The following SNX18 variants were observed in gnomAD, a reference collection of about 807,000 sequenced individuals.
SNX18 encodes sorting nexin 18, also known as sorting nexin-18.
Under a neutral mutation model 48.7 loss-of-function variants are expected in SNX18, and 35 were observed. The ratio of observed to expected loss-of-function variants is 0.72; its 90% CI spans 0.55 to 0.95. The LOEUF is 0.95. Among genes scored for constraint, SNX18 ranks in the 40% least tolerant of loss-of-function variants. SNX18 has a pLI of 0.00. For missense variants in SNX18, 824 were observed against 871.0 expected (o/e 0.95, Z 0.68); for synonymous variants, 492 against 384.7 (o/e 1.28, Z -3.26).
the SNX18 span, among the ~76,000 whole-genome samples, chr5:54,580,052 C>T: frequency 6.6e-6 from 1 of 151,852 alleles, no homozygotes; most frequent in Non-Finnish European, 1.5e-5. Context: ...TTAGGTTACA[C>T]TGGCTGAAGT....
the SNX18 span, among the ~76,000 whole-genome samples, chr5:54,612,153 T>C: frequency 6.6e-6 from 1 of 152,236 alleles, no homozygotes; most frequent in Non-Finnish European, 1.5e-5. Context: ...ATATTATTGT[T>C]AGTAATGAGC....
chr5:54,583,212 A>G, the SNX18 span, among the ~76,000 whole-genome samples: 1 of 152,226 alleles, frequency 6.6e-6, no homozygotes, highest in African/African-American at 2.4e-5. Context: ...CCTTGGATCA[A>G]GCAACCCTCC....
chr5:54,644,509 C>T, the SNX18 span: 6 of 152,218 alleles, frequency 3.9e-5, no homozygotes, highest in African/African-American at 1.4e-4. Context: ...TCCCCCTCTT[C>T]CTAAGAGAAA....
the SNX18 span, among the ~76,000 whole-genome samples, chr5:54,579,484 C>G: frequency 6.6e-6 from 1 of 152,124 alleles, no homozygotes; most frequent in Non-Finnish European, 1.5e-5. Flanking sequence ...GAATCATGAG[C>G]CAACAAGTTG....
At chr5:54,554,999 G>T in the SNX18 span, among the ~76,000 whole-genome samples, 1 of 152,330 alleles carries the variant, frequency 6.6e-6, no homozygotes, top group Non-Finnish European at 1.5e-5. Context: ...AAAGTCCTTT[G>T]CACAGTTTGC....
At chr5:54,546,657 A>G (rs968275479), downstream of SNX18, 4 of 152,244 alleles carry the variant, frequency 2.6e-5, no homozygotes, top group African/African-American at 9.6e-5. Context: ...AGAATTACAC[A>G]GAAAAATAGA....
the SNX18 span, among the ~76,000 whole-genome samples, chr5:54,618,494 G>A: frequency 3.3e-5 from 5 of 152,152 alleles, no homozygotes. Flanking sequence ...TTCCAGTTGT[G>A]TCATGCTAGA....
chr5:54,538,656 A>G (rs955861945), intron 1 of SNX18, among the ~76,000 whole-genome samples: 1 of 152,242 alleles, frequency 6.6e-6, no homozygotes, highest in Non-Finnish European at 1.5e-5. Flanking sequence ...GTATTTTATA[A>G]GAGTCAACTT....
intron 1 of SNX18, among the ~76,000 whole-genome samples, chr5:54,532,307 C>CTTTTT (rs35717409): frequency 4.4e-5 from 6 of 137,060 alleles, no homozygotes; most frequent in East Asian, 2.1e-4. Flanking sequence ...TCTATTGTTG[C>CTTTTT]TTTTTTTTTT....
Position 54,519,732 on chromosome 5 carries a change from T to C in SNX18, c.1621+159T>C, listed in dbSNP as rs1300025307. ...CTGGGTCTTTTCCCTAGAGTGTAAGTTGGATTGCTCGACAGGCAGCTTCCT... is the reference window on the plus strand; with the variant it reads ...CTGGGTCTTTTCCCTAGAGTGTAAGCTGGATTGCTCGACAGGCAGCTTCCT... On this transcript the variant is annotated intron_variant, in intron 1 of 1. Coordinates refer to ENST00000381410, the MANE Select transcript of SNX18 (RefSeq NM_001102575.2). The C allele has an allele frequency of 6.2e-7, 1 of 1,613,978 alleles. No individual in the cohort carries two copies. The highest frequency in any genetic ancestry group is 1.3e-5 in the African/African-American group (1 of 74,892).
chr5:54,572,774 A>AT, the SNX18 span, among the ~76,000 whole-genome samples: 2 of 38,440 alleles, frequency 5.2e-5, no homozygotes, highest in African/African-American at 1.0e-4. Context: ...ATATATATAT[A>AT]TTTTTTTTTT....
chr5:54,519,955 T>C, intron 1 of SNX18: 1 of 840,564 alleles, frequency 1.2e-6, no homozygotes, highest in East Asian at 2.7e-5. Context: ...TGTCACTTAG[T>C]GGTGAGTTTC....
the SNX18 span, among the ~76,000 whole-genome samples, chr5:54,590,412 T>C: frequency 6.6e-6 from 1 of 152,216 alleles, no homozygotes; most frequent in Non-Finnish European, 1.5e-5. Context: ...AGTGCCATTC[T>C]TTGTTAAAGC....
chr5:54,596,781 T>C, the SNX18 span, among the ~76,000 whole-genome samples: 1 of 152,176 alleles, frequency 6.6e-6, no homozygotes, highest in African/African-American at 2.4e-5. Flanking sequence ...ATTGCAGCCA[T>C]CAGAATGAGG....
At chr5:54,522,057 G>A (rs1246322073) in intron 1 of SNX18, among the ~76,000 whole-genome samples, 2 of 152,152 alleles carry the variant, frequency 1.3e-5, no homozygotes, top group African/African-American at 2.4e-5. Flanking sequence ...TGTAACCTTG[G>A]TGTGTAATGT....
At chr5:54,641,105 G>A in the SNX18 span, among the ~76,000 whole-genome samples, 1 of 151,994 alleles carries the variant, frequency 6.6e-6, no homozygotes, top group Non-Finnish European at 1.5e-5. Flanking sequence ...GAAGTTCTGA[G>A]AGCTTGACAT....
chr5:54,589,083 G>C, the SNX18 span, among the ~76,000 whole-genome samples: 1 of 152,148 alleles, frequency 6.6e-6, no homozygotes, highest in African/African-American at 2.4e-5. Context: ...AAACTATTAA[G>C]ACAAAAGTGA....
downstream of SNX18, among the ~76,000 whole-genome samples, chr5:54,548,127 C>G (rs1239414044): frequency 6.6e-6 from 1 of 152,134 alleles, no homozygotes; most frequent in Non-Finnish European, 1.5e-5. Context: ...GGCCCTGATC[C>G]CAGGATGTCT....
chr5:54,533,169 T>A (rs1374324436), intron 1 of SNX18, among the ~76,000 whole-genome samples: 2 of 152,318 alleles, frequency 1.3e-5, no homozygotes, highest in African/African-American at 2.4e-5. Flanking sequence ...TTCAAAATGG[T>A]TCAAAAGTTC....
Sources: allele counts gnomAD v4.1 joint callset (sites outside exome capture counted in the v4.1 genomes callset), GRCh38; gene constraint gnomAD v4.1.1; transcripts MANE v1.5; gene names NCBI Gene and HGNC (gene_info 2026-07-23, HGNC 2026-07-21).